SLC38A8: variants seen among roughly 807,000 people sequenced by gnomAD.
SLC38A8 encodes amino acid transporter SLC38A8.
SLC38A8 carries 65 observed loss-of-function variants against 46.0 expected under a neutral mutation model. That is an observed-to-expected ratio of 1.41 (90% CI 1.16 to 1.74). SLC38A8 has a LOEUF of 1.74. SLC38A8 is among the 40% of genes most tolerant of loss of function. The pLI is 0.00. For synonymous variants in SLC38A8, 447 were observed against 243.7 expected (o/e 1.83, Z -7.77); for missense variants, 998 against 567.9 (o/e 1.76, Z -7.70).
rs1027425319 is a variant in SLC38A8, at chr16:84,012,562, G to C, written c.1214+439C>G. Among the ~76,000 whole-genome samples the C allele has an allele frequency of 3.8e-4, 58 of 152,324 alleles. 2 individuals carry two copies. The highest frequency in any genetic ancestry group is 3.4e-3 in the Middle Eastern group (1 of 294). On this transcript the variant is annotated intron_variant, in intron 10 of 10. Coordinates refer to ENST00000299709, the MANE Select transcript of SLC38A8 (RefSeq NM_001080442.3). ...GTGGGTATGGTGGGGAGGTGAACAT[G>C]TAAAAGGACCTAGCTCAGTGCCTAG...
intron 6 of SLC38A8, among the ~76,000 whole-genome samples, chr16:84,027,700 T>A (rs543779488): frequency 1.3e-5 from 2 of 152,154 alleles, no homozygotes; most frequent in Admixed American, 6.6e-5. Context: ...TCAGTTCCTA[T>A]CCTTCCCAGC....
chr16:84,021,652 T>C (rs1252372774), intron 7 of SLC38A8, among the ~76,000 whole-genome samples: 3 of 152,240 alleles, frequency 2.0e-5, no homozygotes, highest in Non-Finnish European at 4.4e-5. Context: ...CTGCACTCAT[T>C]GCCCAGCTCC....
At chr16:84,014,394 G>A (rs796645792) in intron 9 of SLC38A8, among the ~76,000 whole-genome samples, 2 of 143,490 alleles carry the variant, frequency 1.4e-5, no homozygotes, top group Non-Finnish European at 3.0e-5. Flanking sequence ...ATCAATGAAA[G>A]CTCCGCTCAG....
At chr16:84,035,890 G>C (rs536608024) in intron 3 of SLC38A8, among the ~76,000 whole-genome samples, 20 of 152,362 alleles carry the variant, frequency 1.3e-4, no homozygotes, top group African/African-American at 4.3e-4. Context: ...TAGACCTAAA[G>C]ATTAATATGG....
intron 6 of SLC38A8, among the ~76,000 whole-genome samples, chr16:84,024,598 T>A (rs1467306934): frequency 2.0e-5 from 3 of 151,452 alleles, no homozygotes; most frequent in African/African-American, 2.4e-5. Context: ...CTGGCCAACA[T>A]GGTGAAACCC....
At chr16:84,034,456 G>C (rs944070201) in intron 3 of SLC38A8, among the ~76,000 whole-genome samples, 3 of 152,212 alleles carry the variant, frequency 2.0e-5, no homozygotes, top group East Asian at 3.9e-4. Context: ...GCACAGGCGA[G>C]TGGGAGGGTG....
intron 3 of SLC38A8, among the ~76,000 whole-genome samples, chr16:84,034,449 C>T (rs771073050): frequency 1.2e-4 from 19 of 152,150 alleles, no homozygotes; most frequent in Non-Finnish European, 2.6e-4. Flanking sequence ...GGGGAAAGCA[C>T]AGGCGAGTGG....
At chr16:84,018,440 C>T (rs1408033281) in intron 7 of SLC38A8, among the ~76,000 whole-genome samples, 1 of 151,926 alleles carries the variant, frequency 6.6e-6, no homozygotes, top group Admixed American at 6.6e-5. Flanking sequence ...AGGATGGTCT[C>T]GATCTCCTGA....
intron 10 of SLC38A8, among the ~76,000 whole-genome samples, chr16:84,010,686 G>T (rs887646471): frequency 6.6e-6 from 1 of 152,192 alleles, no homozygotes; most frequent in Non-Finnish European, 1.5e-5. Context: ...AGAGGTCGCA[G>T]TGAGCCAAGA....
chr16:84,036,693 G>A lies in SLC38A8; in HGVS notation c.388+9C>T, dbSNP rs1157371120. 1.9e-6 allele frequency: 3 copies of A among 1,613,986 alleles called. No homozygotes were observed. In the Admixed American group the frequency reaches 5.0e-5, roughly 27 times the overall value. On this transcript the variant is annotated intron_variant, in intron 3 of 10. Coordinates refer to ENST00000299709, the MANE Select transcript of SLC38A8 (RefSeq NM_001080442.3). ...CCTGGGCCACCCCGAGTCCCATGAA[G>A]GTACTTACGCTTCTCCAGCTGGTCC...
chr16:84,030,162 C>A (rs1285608576), intron 5 of SLC38A8, among the ~76,000 whole-genome samples: 1 of 152,132 alleles, frequency 6.6e-6, no homozygotes, highest in Non-Finnish European at 1.5e-5. Context: ...AGGATGAAGG[C>A]CAAGACCCAG....
intron 6 of SLC38A8, among the ~76,000 whole-genome samples, chr16:84,026,308 C>A (rs2085164065): frequency 6.6e-6 from 1 of 152,218 alleles, no homozygotes; most frequent in Admixed American, 6.5e-5. Context: ...TGGCTCACTG[C>A]AACCTCCACA....
chr16:84,019,719 G>C (rs2085073587), intron 7 of SLC38A8, among the ~76,000 whole-genome samples: 1 of 152,204 alleles, frequency 6.6e-6, no homozygotes, highest in Non-Finnish European at 1.5e-5. Context: ...TGGTCTGTGA[G>C]CCTGTGAAAT....
intron 6 of SLC38A8, among the ~76,000 whole-genome samples, chr16:84,024,662 T>G (rs919253681): frequency 2.0e-5 from 3 of 151,970 alleles, no homozygotes; most frequent in African/African-American, 7.2e-5. Flanking sequence ...GCACCTGTAA[T>G]CCTAGTTACT....
chr16:84,029,586 A>G (rs2085213757), intron 5 of SLC38A8, 35 bp from the exon 6 acceptor site: 1 of 1,609,890 alleles, frequency 6.2e-7, no homozygotes, highest in Non-Finnish European at 8.5e-7. Flanking sequence ...TTATTAAAGA[A>G]GGGTCACACC....
chr16:84,022,724 T>A (rs765479892), intron 7 of SLC38A8, 51 bp downstream of exon 7: 1 of 1,441,160 alleles, frequency 6.9e-7, no homozygotes, highest in Non-Finnish European at 9.7e-7. Context: ...GTTACTCTTG[T>A]TTCTACTGTC....
At chr16:84,013,434 T>TGTTGTTTTTTTTGTTG (rs1369192369) in intron 9 of SLC38A8, among the ~76,000 whole-genome samples, 38 of 126,986 alleles carry the variant, frequency 3.0e-4, no homozygotes, top group African/African-American at 1.0e-3. Flanking sequence ...GTTTTTTTTT[T>TGTTGTTTTTTTTGTTG]TTTTTTTTTT....
At chr16:84,031,184 T>C (rs1378249065) in intron 5 of SLC38A8, among the ~76,000 whole-genome samples, 7 of 152,130 alleles carry the variant, frequency 4.6e-5, no homozygotes, top group Non-Finnish European at 1.0e-4. Context: ...GGATTACAGA[T>C]GCCCACCATC....
rs749686942 is a variant in SLC38A8, at chr16:84,017,244, G to A, written c.849C>T (p.Asp283=). 1.8e-5 allele frequency: 29 copies of A among 1,613,930 alleles called. No homozygotes were observed. The highest frequency in any genetic ancestry group is 1.6e-4 in the Middle Eastern group (1 of 6,084). ...CATTGCCTGGGTAGGACATCAAGAC[G>A]TCAGCAGAAACTTCTGTCCCAAAAG... is the stretch of plus-strand genomic sequence containing the variant. The part of the protein sequence containing the change: ...FLTFGTEVSA[D]VLMSYPGNDM... The change falls in exon 8 of 11, where the codon GAC becomes GAT. Residue 283 remains aspartate, a synonymous_variant. Coordinates refer to ENST00000299709, the MANE Select transcript of SLC38A8 (RefSeq NM_001080442.3).
Sources: gnomAD v4.1 joint callset for allele counts (sites outside exome capture counted in the v4.1 genomes callset) on GRCh38, gnomAD v4.1.1 for gene constraint, MANE v1.5 for transcripts, NCBI Gene and HGNC (gene_info 2026-07-23, HGNC 2026-07-21) for gene names.